TMEM132B: variants seen among roughly 807,000 people sequenced by gnomAD.
TMEM132B encodes the protein transmembrane protein 132B.
In TMEM132B, 18 loss-of-function variants were observed where a neutral mutation model predicts 90.8. The ratio of observed to expected loss-of-function variants is 0.20; its 90% CI spans 0.14 to 0.29. The LOEUF (loss-of-function observed/expected upper bound fraction) is 0.29, where lower values mean the gene tolerates loss of function less well. Among genes scored for constraint, TMEM132B ranks in the 10% least tolerant of loss-of-function variants. TMEM132B has a pLI of 1.00. For synonymous variants in TMEM132B, 504 were observed against 523.3 expected, an observed-to-expected ratio of 0.96 and a Z score of 0.50; for missense variants, 1,096 against 1,326.8, an observed-to-expected ratio of 0.83 and a Z score of 2.70.
intron 3 of TMEM132B, among the ~76,000 whole-genome samples, chr12:125,501,442 G>A (rs2136599019): frequency 6.6e-6 from 1 of 152,186 alleles, no homozygotes; most frequent in Non-Finnish European, 1.5e-5. Flanking sequence ...GTAAACATGT[G>A]CCATGGTGGT....
rs2136361122 is a variant in TMEM132B at position 125,415,493 on chromosome 12, T to G, written c.960-38T>G. On this transcript the variant is annotated intron_variant, in intron 2 of 8. Transcript: ENST00000682704. The surrounding 1 kb of genome is among the most constrained non-coding windows in gnomAD (Gnocchi z 5.3). The stretch of plus-strand genomic sequence containing the variant: ...ACTACCTGTTTCAAACTAAAATGGT[T>G]TTATTATATATAATATCATTGTTTT... The G allele has an allele frequency of 6.2e-7, 1 of 1,606,502 alleles. No individual in the cohort carries two copies. Among genetic ancestry groups the G allele is most frequent in the Non-Finnish European group, 8.5e-7 (1 of 1,176,562 alleles).
intron 1 of TMEM132B, among the ~76,000 whole-genome samples, chr12:125,223,617 C>A (rs1220557348): frequency 1.3e-5 from 2 of 152,152 alleles, no homozygotes; most frequent in Non-Finnish European, 2.9e-5. Context: ...AGAACATTTT[C>A]ATCAGCCCAA....
intron 3 of TMEM132B, among the ~76,000 whole-genome samples, chr12:125,446,480 A>G (rs1012142175): frequency 1.3e-5 from 2 of 152,246 alleles, no homozygotes; most frequent in Non-Finnish European, 2.9e-5. Flanking sequence ...ACTTTAGAGT[A>G]GAAAAAAAAG....
intron 1 of TMEM132B, among the ~76,000 whole-genome samples, chr12:125,343,536 G>A: frequency 6.6e-6 from 1 of 152,220 alleles, no homozygotes; most frequent in East Asian, 1.9e-4. Flanking sequence ...AGGCCCTCAG[G>A]TAATATGAGA....
intron 1 of TMEM132B, among the ~76,000 whole-genome samples, chr12:125,248,195 A>G (rs1464991446): frequency 6.6e-6 from 1 of 152,220 alleles, no homozygotes; most frequent in Non-Finnish European, 1.5e-5. Context: ...CGGCTCTGCA[A>G]TTCTGAGGTT....
chr12:125,638,914 G>A (rs893040506), intron 5 of TMEM132B, among the ~76,000 whole-genome samples: 7 of 152,104 alleles, frequency 4.6e-5, no homozygotes, highest in Admixed American at 1.3e-4. Context: ...ACCTCTAAAG[G>A]CAACTTTCCC....
chr12:125,321,476 C>A (rs1447960580), intron 1 of TMEM132B, among the ~76,000 whole-genome samples: 1 of 130,006 alleles, frequency 7.7e-6, no homozygotes, highest in African/African-American at 2.9e-5. Flanking sequence ...GAAAATGATT[C>A]TTTTTTTTTT....
rs1880995984 is a variant in TMEM132B at position 125,445,939 on chromosome 12, G to A, written c.1106+30262G>A. On this transcript the variant is annotated intron_variant, in intron 3 of 8. Transcript: ENST00000682704. This position sits in a 1 kb window ranked among gnomAD's most constrained non-coding sequence, Gnocchi z 4.3. ...GAGTTCCCTCCTTGCCTCGCAGGGA[G>A]ACAGCTCTGGGGTGGGCATCCCAGT... 6.6e-6 allele frequency among the ~76,000 whole-genome samples: 1 copy of A among 151,998 alleles called. No individual in the cohort carries two copies. Among genetic ancestry groups the A allele is most frequent in the African/African-American group, 2.4e-5 (1 of 41,398 alleles).
intron 3 of TMEM132B, among the ~76,000 whole-genome samples, chr12:125,429,727 G>A (rs1880440614): frequency 6.6e-6 from 1 of 152,208 alleles, no homozygotes; most frequent in Non-Finnish European, 1.5e-5. Context: ...TTATTGGGAG[G>A]TAGGCCACAG....
chr12:125,336,670 C>T (rs150904532), intron 1 of TMEM132B, among the ~76,000 whole-genome samples: 23 of 152,328 alleles, frequency 1.5e-4, no homozygotes, highest in African/African-American at 5.5e-4. Flanking sequence ...ACAAGTCACG[C>T]CACTGGGTTA....
At chr12:125,486,537 C>G (rs950476842) in intron 3 of TMEM132B, among the ~76,000 whole-genome samples, 3 of 152,296 alleles carry the variant, frequency 2.0e-5, no homozygotes, top group African/African-American at 7.2e-5. Context: ...GTCTAAGGAA[C>G]AGGGGCTCTC....
chr12:125,612,910 C>G (rs187135291), intron 5 of TMEM132B, among the ~76,000 whole-genome samples: 1,112 of 33,462 alleles, frequency 0.033, 123 homozygotes, highest in African/African-American at 0.036. Context: ...AAATATATAT[C>G]ATATATATTT....
At chr12:125,389,287 G>A (rs1878938701) in intron 2 of TMEM132B, among the ~76,000 whole-genome samples, 1 of 152,084 alleles carries the variant, frequency 6.6e-6, no homozygotes, top group African/African-American at 2.4e-5. Context: ...TATTTTAGAT[G>A]ATGTGGGCAG....
At chr12:125,293,905 G>A (rs1013547562) in intron 1 of TMEM132B, among the ~76,000 whole-genome samples, 4 of 152,144 alleles carry the variant, frequency 2.6e-5, no homozygotes, top group African/African-American at 7.2e-5. Context: ...GTCCCTAAAG[G>A]CCATGCAGCT....
intron 3 of TMEM132B, among the ~76,000 whole-genome samples, chr12:125,443,338 ATTTATGAAGCTTTC>A (rs1880923343): frequency 6.6e-6 from 1 of 152,338 alleles, no homozygotes; most frequent in South Asian, 2.1e-4. Flanking sequence ...TAAATGAAAC[ATTTATGAAGCTTTC>A]TTTGGTGTAA....
chr12:125,362,429 A>G (rs995716901), intron 2 of TMEM132B, among the ~76,000 whole-genome samples: 20 of 152,224 alleles, frequency 1.3e-4, no homozygotes, highest in Admixed American at 1.2e-3. Flanking sequence ...AGTTTTATAC[A>G]TGCCCTGGAT....
intron 3 of TMEM132B, among the ~76,000 whole-genome samples, chr12:125,474,378 C>G (rs1038254225): frequency 6.6e-6 from 1 of 151,106 alleles, no homozygotes; most frequent in Non-Finnish European, 1.5e-5. Context: ...TCACTGCAGC[C>G]TCAAAACCCT....
intron 4 of TMEM132B, among the ~76,000 whole-genome samples, chr12:125,528,283 C>T (rs1347804352): frequency 2.6e-5 from 4 of 152,142 alleles, no homozygotes; most frequent in Non-Finnish European, 5.9e-5. Flanking sequence ...GTCCACCCTT[C>T]AACGACTGTT....
intron 3 of TMEM132B, among the ~76,000 whole-genome samples, chr12:125,472,952 C>T (rs531264586): frequency 1.3e-5 from 2 of 152,302 alleles, no homozygotes; most frequent in Middle Eastern, 3.4e-3. Context: ...CACGTGTGAG[C>T]CTTGACATTC....
Sources: allele counts gnomAD v4.1 joint callset (sites outside exome capture counted in the v4.1 genomes callset), GRCh38; gene constraint gnomAD v4.1.1; non-coding constraint Gnocchi (gnomAD v3.1); transcripts MANE v1.5; gene names NCBI Gene and HGNC (gene_info 2026-07-23, HGNC 2026-07-21).